Variants in PRELID2 observed in about 807,000 individuals in gnomAD.
PRELID2 encodes the protein PRELI domain-containing protein 2.
Under a neutral mutation model 28.4 loss-of-function variants are expected in PRELID2, and 25 were observed. The observed-to-expected ratio is 0.88, with a 90% CI of 0.64 to 1.23. The LOEUF is 1.23. Ranked by LOEUF, PRELID2 falls within the 50% of genes most tolerant of loss-of-function variation. The probability of loss-of-function intolerance (pLI) is 0.00; values close to 1 mark genes in which losing one functional copy is unlikely to be tolerated. For missense variants in PRELID2, 201 were observed against 214.4 expected (o/e 0.94, Z 0.39); for synonymous variants, 76 against 71.6 (o/e 1.06, Z -0.31).
intron 1 of PRELID2, among the ~76,000 whole-genome samples, chr5:145,477,279 C>A (rs1460571979): frequency 6.6e-6 from 1 of 152,200 alleles, no homozygotes; most frequent in Non-Finnish European, 1.5e-5. Flanking sequence ...CTTCTCCCAT[C>A]TCACTGCTCT....
At chr5:145,667,960 A>C (rs1318400153) in intron 1 of PRELID2, among the ~76,000 whole-genome samples, 1 of 152,100 alleles carries the variant, frequency 6.6e-6, no homozygotes, top group African/African-American at 2.4e-5. Context: ...AAAAAGAAAA[A>C]AACAAGTATT....
the PRELID2 span, among the ~76,000 whole-genome samples, chr5:145,393,048 C>T: frequency 1.3e-5 from 2 of 152,194 alleles, no homozygotes; most frequent in Admixed American, 6.5e-5. Context: ...AAACTTCTCA[C>T]CAAGAGGAGC....
chr5:145,358,772 T>C, the PRELID2 span, among the ~76,000 whole-genome samples: 2 of 152,210 alleles, frequency 1.3e-5, no homozygotes, highest in African/African-American at 2.4e-5. Flanking sequence ...TGATTTTGCT[T>C]TCCAAATGTG....
chr5:145,808,513 A>T (rs1343703975), intron 4 of PRELID2, among the ~76,000 whole-genome samples: 3 of 152,208 alleles, frequency 2.0e-5, no homozygotes, highest in African/African-American at 4.8e-5. Flanking sequence ...TAAAACATTT[A>T]AAAAGTTGTA....
the PRELID2 span, among the ~76,000 whole-genome samples, chr5:145,464,487 G>A: frequency 2.0e-5 from 3 of 152,142 alleles, no homozygotes; most frequent in Admixed American, 1.3e-4. Flanking sequence ...AAGGCAAGAA[G>A]TCTGTCTTCA....
intron 1 of PRELID2, among the ~76,000 whole-genome samples, chr5:145,638,554 T>C (rs1467722328): frequency 6.6e-6 from 1 of 152,230 alleles, no homozygotes; most frequent in Non-Finnish European, 1.5e-5. Flanking sequence ...ATGTCTCTCT[T>C]GGGTGTCACT....
the PRELID2 span, among the ~76,000 whole-genome samples, chr5:145,463,204 T>C: frequency 6.6e-6 from 1 of 152,104 alleles, no homozygotes; most frequent in Non-Finnish European, 1.5e-5. Context: ...CATAATTTTA[T>C]GACCTGCTAT....
the PRELID2 span, among the ~76,000 whole-genome samples, chr5:145,414,191 A>G: frequency 6.6e-6 from 1 of 152,334 alleles, no homozygotes; most frequent in East Asian, 1.9e-4. Context: ...GAACAGGACC[A>G]GAGAAATTGA....
the PRELID2 span, among the ~76,000 whole-genome samples, chr5:145,305,743 C>T: frequency 6.6e-6 from 1 of 152,076 alleles, no homozygotes; most frequent in Non-Finnish European, 1.5e-5. Flanking sequence ...TTACAAAATA[C>T]AGGGGCACCT....
chr5:145,657,624 G>T (rs1297039767), intron 1 of PRELID2, among the ~76,000 whole-genome samples: 1 of 152,160 alleles, frequency 6.6e-6, no homozygotes, highest in African/African-American at 2.4e-5. Context: ...GACAGAGGTT[G>T]CACTGAGCCA....
At chr5:145,347,365 T>C in the PRELID2 span, among the ~76,000 whole-genome samples, 1 of 152,194 alleles carries the variant, frequency 6.6e-6, no homozygotes, top group African/African-American at 2.4e-5. Context: ...TCAAGGGGAA[T>C]GCATCTTTCC....
chr5:145,334,494 T>C, the PRELID2 span, among the ~76,000 whole-genome samples: 1 of 152,198 alleles, frequency 6.6e-6, no homozygotes, highest in Admixed American at 6.5e-5. Context: ...TTAAAAGTGG[T>C]TTACACACCA....
chr5:145,401,260 A>C, the PRELID2 span, among the ~76,000 whole-genome samples: 10 of 151,422 alleles, frequency 6.6e-5, no homozygotes, highest in African/African-American at 2.2e-4. Flanking sequence ...CCCCTAGCCC[A>C]TTATCCTTGG....
At chr5:145,545,941 G>C (rs1167810467) in intron 1 of PRELID2, among the ~76,000 whole-genome samples, 1 of 152,102 alleles carries the variant, frequency 6.6e-6, no homozygotes, top group Non-Finnish European at 1.5e-5. Context: ...GTGGAAAGTG[G>C]CATAGCAAGG....
At chr5:145,324,423 C>T in the PRELID2 span, among the ~76,000 whole-genome samples, 40 of 152,304 alleles carry the variant, frequency 2.6e-4, no homozygotes, top group Non-Finnish European at 4.7e-4. Context: ...ATCACATAAA[C>T]TTAGCTATTC....
the PRELID2 span, among the ~76,000 whole-genome samples, chr5:145,311,201 T>G: frequency 6.6e-6 from 1 of 152,172 alleles, no homozygotes; most frequent in African/African-American, 2.4e-5. Flanking sequence ...TGACCAAGAC[T>G]CTAGCACCTT....
chr5:145,487,716 C>A (rs1309676909), intron 1 of PRELID2, among the ~76,000 whole-genome samples: 1 of 152,090 alleles, frequency 6.6e-6, no homozygotes. Flanking sequence ...TGTCTTCCCC[C>A]ATTTTTTAGA....
In PRELID2 at chr5:145,622,868, T is replaced by C. The variant is rs141006576; in HGVS notation, n.70+142063A>G. On this transcript the variant is annotated intron_variant and non_coding_transcript_variant, in intron 1 of 2. Coordinates refer to the PRELID2 transcript ENST00000510259. Reference sequence around the variant, plus strand: ...TGTATTTAAAATCCAAAAGAATCTATGAACACATTATTTACTATAAAAGTT... The same window carrying C: ...TGTATTTAAAATCCAAAAGAATCTACGAACACATTATTTACTATAAAAGTT... Among the ~76,000 whole-genome samples, 195 of 152,116 alleles carry C rather than the reference T, an allele frequency of 1.3e-3. 2 individuals are homozygous for C. The highest frequency in any genetic ancestry group is 4.6e-3 in the African/African-American group (191 of 41,554).
downstream of PRELID2, among the ~76,000 whole-genome samples, chr5:145,470,622 C>A (rs1752045894): frequency 6.6e-6 from 1 of 152,096 alleles, no homozygotes; most frequent in Non-Finnish European, 1.5e-5. Flanking sequence ...CTCATTAAAT[C>A]TACAGCCCAT....
Sources: allele counts gnomAD v4.1 joint callset (sites outside exome capture counted in the v4.1 genomes callset), GRCh38; gene constraint gnomAD v4.1.1; transcripts MANE v1.5; gene names NCBI Gene and HGNC (gene_info 2026-07-23, HGNC 2026-07-21).